SRGAP3: variants seen among roughly 807,000 people sequenced by gnomAD.
SRGAP3 encodes SLIT-ROBO Rho GTPase-activating protein 3.
Under a neutral mutation model 121.1 loss-of-function variants are expected in SRGAP3, and 39 were observed. The ratio of observed to expected loss-of-function variants is 0.32; its 90% CI spans 0.25 to 0.42. SRGAP3 has a LOEUF of 0.42. Among genes scored for constraint, SRGAP3 ranks in the 10% least tolerant of loss-of-function variants. The probability of loss-of-function intolerance (pLI) is 1.00; values close to 1 mark genes in which losing one functional copy is unlikely to be tolerated. For synonymous variants in SRGAP3, 601 were observed against 570.0 expected (o/e 1.05, Z -0.77); for missense variants, 1,213 against 1,470.6 (o/e 0.82, Z 2.86).
intron 1 of SRGAP3, among the ~76,000 whole-genome samples, chr3:9,234,000 A>G (rs1953316223): frequency 6.6e-6 from 1 of 152,202 alleles, no homozygotes; most frequent in South Asian, 2.1e-4. Context: ...AGCCTCTGCC[A>G]TTTTTGGAGC....
chr3:9,110,017 A>ATGCC (rs1948558117), intron 2 of SRGAP3, among the ~76,000 whole-genome samples: 1 of 152,172 alleles, frequency 6.6e-6, no homozygotes, highest in Non-Finnish European at 1.5e-5. Flanking sequence ...CAGCAGGCAG[A>ATGCC]CCTTGAAGGG....
intron 3 of SRGAP3, among the ~76,000 whole-genome samples, chr3:9,261,308 A>T (rs779195421): frequency 4.6e-5 from 7 of 151,976 alleles, no homozygotes; most frequent in Non-Finnish European, 1.0e-4. Context: ...AAGGATCAAA[A>T]CTCCTCACAA....
chr3:9,296,358 G>C (rs1168199049), intron 3 of SRGAP3, among the ~76,000 whole-genome samples: 1 of 152,136 alleles, frequency 6.6e-6, no homozygotes, highest in Non-Finnish European at 1.5e-5. Flanking sequence ...GTGTCTCACT[G>C]TGTCTTCAGT....
intron 1 of SRGAP3, among the ~76,000 whole-genome samples, chr3:9,189,104 A>G (rs906335638): frequency 2.6e-5 from 4 of 152,208 alleles, no homozygotes; most frequent in African/African-American, 7.2e-5. Context: ...AGGACATATC[A>G]TCACAGTCAA....
At chr3:9,087,873 C>T (rs533909106) in intron 3 of SRGAP3, among the ~76,000 whole-genome samples, 14 of 152,280 alleles carry the variant, frequency 9.2e-5, no homozygotes, top group African/African-American at 2.6e-4. Flanking sequence ...TTCCCCAGGA[C>T]TGTAAGCCGC....
At chr3:9,339,904 CTTCATGCTCTGCTGAAACAGGAA>C (rs1559283960) in intron 1 of SRGAP3, among the ~76,000 whole-genome samples, 1 of 152,162 alleles carries the variant, frequency 6.6e-6, no homozygotes, top group African/African-American at 2.4e-5. Flanking sequence ...GCATAACTCT[CTTCATGCTCTGCTGAAACAGGAA>C]CCTGGAGTGA....
intron 1 of SRGAP3, among the ~76,000 whole-genome samples, chr3:9,176,078 T>G (rs1003871274): frequency 5.9e-5 from 9 of 152,084 alleles, no homozygotes; most frequent in African/African-American, 2.2e-4. Context: ...CGTGCCACCA[T>G]GCCCGGCTAA....
chr3:9,060,222 G>C lies in SRGAP3; in HGVS notation c.801+9C>G. 6.2e-7 allele frequency: 1 copy of C among 1,613,902 alleles called. No individual in the cohort carries two copies. ...CCCTGCTCAGTCCCAGACTCCCCAG[G>C]GAGCTCACATCGATCAGATCAGAGA... On this transcript the variant is annotated intron_variant, in intron 6 of 21. Coordinates refer to ENST00000383836, the MANE Select transcript of SRGAP3 (RefSeq NM_014850.4).
At chr3:9,350,325 T>G (rs895542187) in intron 1 of SRGAP3, among the ~76,000 whole-genome samples, 1 of 152,204 alleles carries the variant, frequency 6.6e-6, no homozygotes, top group African/African-American at 2.4e-5. Context: ...AGGGAAGGTC[T>G]TATTTAATCA....
chr3:8,995,207 T>C (rs959523081), intron 18 of SRGAP3, among the ~76,000 whole-genome samples: 2 of 152,036 alleles, frequency 1.3e-5, no homozygotes, highest in African/African-American at 4.8e-5. Context: ...CGTGGTAGCT[T>C]ATGCCTATAA....
At chr3:9,086,370 C>T (rs1560112308) in intron 3 of SRGAP3, among the ~76,000 whole-genome samples, 1 of 151,866 alleles carries the variant, frequency 6.6e-6, no homozygotes, top group African/African-American at 2.4e-5. Flanking sequence ...ATCAAACATA[C>T]AAAAAATTAG....
At chr3:9,130,906 C>T (rs1458654089) in intron 1 of SRGAP3, among the ~76,000 whole-genome samples, 1 of 152,210 alleles carries the variant, frequency 6.6e-6, no homozygotes, top group African/African-American at 2.4e-5. Flanking sequence ...AGCAGAGCAA[C>T]CTCCCCCAGT....
chr3:9,207,405 G>A (rs1240139979), intron 1 of SRGAP3, among the ~76,000 whole-genome samples: 1 of 152,176 alleles, frequency 6.6e-6, no homozygotes, highest in Non-Finnish European at 1.5e-5. Flanking sequence ...AAGCCATTGA[G>A]TCCTAAATCT....
At chr3:9,293,486 G>C (rs991245769) in intron 3 of SRGAP3, among the ~76,000 whole-genome samples, 5 of 151,986 alleles carry the variant, frequency 3.3e-5, no homozygotes, top group African/African-American at 7.2e-5. Context: ...TAAAACTGCT[G>C]TCCTGATCTA....
chr3:9,231,777 G>A (rs943541124), intron 1 of SRGAP3, among the ~76,000 whole-genome samples: 2 of 152,134 alleles, frequency 1.3e-5, no homozygotes, highest in Non-Finnish European at 2.9e-5. Context: ...GAACATTTCC[G>A]CAGCACTCGA....
At chr3:9,146,043 C>G (rs1229798953) in intron 1 of SRGAP3, among the ~76,000 whole-genome samples, 2 of 152,182 alleles carry the variant, frequency 1.3e-5, no homozygotes, top group Non-Finnish European at 2.9e-5. Flanking sequence ...GGCCTTACCC[C>G]ACAGTCAATG....
intron 1 of SRGAP3, among the ~76,000 whole-genome samples, chr3:9,236,923 C>T (rs1953432497): frequency 1.3e-5 from 2 of 151,998 alleles, no homozygotes; most frequent in South Asian, 2.1e-4. Context: ...TTTGTGTCCC[C>T]ATCTCAGACA....
intron 1 of SRGAP3, among the ~76,000 whole-genome samples, chr3:9,344,358 G>A (rs1955846481): frequency 6.6e-6 from 1 of 152,230 alleles, no homozygotes; most frequent in Non-Finnish European, 1.5e-5. Context: ...AGGAGGCTGA[G>A]GCAGGAGAAT....
At chr3:9,212,148 T>C (rs977043189) in intron 1 of SRGAP3, among the ~76,000 whole-genome samples, 5 of 152,170 alleles carry the variant, frequency 3.3e-5, no homozygotes, top group African/African-American at 1.2e-4. Flanking sequence ...AATTTTCCCC[T>C]TTTCCAATGG....
Sources: allele counts gnomAD v4.1 joint callset (sites outside exome capture counted in the v4.1 genomes callset), GRCh38; gene constraint gnomAD v4.1.1; transcripts MANE v1.5; gene names NCBI Gene and HGNC (gene_info 2026-07-23, HGNC 2026-07-21).